The following SNX30 variants were observed in gnomAD, a reference collection of about 807,000 sequenced individuals.
SNX30 encodes sorting nexin family member 30, also known as sorting nexin-30.
In SNX30, 24 loss-of-function variants were observed where a neutral mutation model predicts 46.4. The ratio of observed to expected loss-of-function variants is 0.52; its 90% confidence interval spans 0.37 to 0.73. SNX30 has a LOEUF of 0.73. SNX30 is among the 30% of genes least tolerant of loss of function. The probability of loss-of-function intolerance (pLI) is 0.00; values close to 1 mark genes in which losing one functional copy is unlikely to be tolerated. For synonymous variants in SNX30, 189 were observed against 211.5 expected, an observed-to-expected ratio of 0.89 and a Z score of 0.92; for missense variants, 533 against 555.7, an observed-to-expected ratio of 0.96 and a Z score of 0.41.
downstream of SNX30, among the ~76,000 whole-genome samples, chr9:112,884,681 A>G (rs1366774957): frequency 1.3e-5 from 2 of 152,244 alleles, no homozygotes; most frequent in East Asian, 3.8e-4. Flanking sequence ...TGTCTACAAC[A>G]GAGGGAAACA....
intron 1 of SNX30, among the ~76,000 whole-genome samples, chr9:112,760,319 A>G (rs1032064528): frequency 6.6e-6 from 1 of 152,208 alleles, no homozygotes; most frequent in Admixed American, 6.5e-5. Context: ...AGCCGCTGCC[A>G]GTGGCACGAT....
At chr9:112,791,399 CTTTTTTTTTTTTTT>C (rs386415930) in intron 1 of SNX30, among the ~76,000 whole-genome samples, 4 of 67,478 alleles carry the variant, frequency 5.9e-5, no homozygotes, top group South Asian at 7.2e-4. Flanking sequence ...TATTTAGGAA[CTTTTTTTTTTTTTT>C]TTTTTTTTTT....
intron 2 of SNX30, among the ~76,000 whole-genome samples, chr9:112,810,688 A>G (rs1840305833): frequency 6.6e-6 from 1 of 152,072 alleles, no homozygotes; most frequent in African/African-American, 2.4e-5. Flanking sequence ...TGTTGTATGT[A>G]TGAGCCACCT....
chr9:112,758,686 A>C (rs1438794856), intron 1 of SNX30, among the ~76,000 whole-genome samples: 1 of 152,180 alleles, frequency 6.6e-6, no homozygotes, highest in Non-Finnish European at 1.5e-5. Context: ...GTGAGCCACC[A>C]TGCCTGGCCA....
At chr9:112,822,324 A>G (rs1012096883) in intron 3 of SNX30, among the ~76,000 whole-genome samples, 140 of 152,288 alleles carry the variant, frequency 9.2e-4, no homozygotes, top group African/African-American at 2.9e-3. Context: ...ATTATGTAAT[A>G]GTTGGAGCTG....
intron 2 of SNX30, among the ~76,000 whole-genome samples, chr9:112,810,411 G>A (rs1158803341): frequency 6.6e-6 from 1 of 152,102 alleles, no homozygotes. Context: ...CAGTGGGGAG[G>A]GAACAACATT....
intron 8 of SNX30, among the ~76,000 whole-genome samples, chr9:112,865,637 A>ATGTGTGTGTG: frequency 8.7e-6 from 1 of 115,550 alleles, no homozygotes; most frequent in Non-Finnish European, 1.8e-5. Flanking sequence ...ATATATATAT[A>ATGTGTGTGTG]TATATATATA....
At chr9:112,793,216 G>A (rs988452403) in intron 1 of SNX30, among the ~76,000 whole-genome samples, 1 of 152,208 alleles carries the variant, frequency 6.6e-6, no homozygotes, top group African/African-American at 2.4e-5. Flanking sequence ...TGGGAAAGAA[G>A]CCTGGCTTTC....
chr9:112,882,099 G>T (rs529405378), downstream of SNX30, among the ~76,000 whole-genome samples: 22 of 152,016 alleles, frequency 1.4e-4, no homozygotes, highest in Middle Eastern at 3.4e-3. Flanking sequence ...TTCATTTTTT[G>T]TTGTTGTTGT....
chr9:112,791,661 G>A (rs1289969141), intron 1 of SNX30, among the ~76,000 whole-genome samples: 1 of 151,836 alleles, frequency 6.6e-6, no homozygotes, highest in East Asian at 1.9e-4. Flanking sequence ...CACCCGCCTT[G>A]GCCTCTCAAA....
chr9:112,806,605 A>T lies in SNX30; in HGVS notation c.348+1638A>T, dbSNP rs145072467. Among the ~76,000 whole-genome samples the T allele has an allele frequency of 5.4e-4, 82 of 152,310 alleles. No individual in the cohort carries two copies. The Middle Eastern group carries it at 0.01, about 19-fold the overall frequency. On this transcript the variant is annotated intron_variant, in intron 2 of 8. Transcript: ENST00000374232. ...AAATTCTTTGGAAAGACAAGCAGGGAATAAAATACTCAAGTTGTGTTTCTT... is the reference window on the plus strand; with the variant it reads ...AAATTCTTTGGAAAGACAAGCAGGGTATAAAATACTCAAGTTGTGTTTCTT...
chr9:112,773,393 G>T (rs977777881), intron 1 of SNX30, among the ~76,000 whole-genome samples: 35 of 151,434 alleles, frequency 2.3e-4, no homozygotes, highest in African/African-American at 7.8e-4. Context: ...AAGATTATTT[G>T]CTTTTTTTTT....
intron 1 of SNX30, among the ~76,000 whole-genome samples, chr9:112,775,585 T>C (rs1839733486): frequency 7.0e-6 from 1 of 143,152 alleles, no homozygotes; most frequent in African/African-American, 2.5e-5. Context: ...TGTGTGTGTG[T>C]GTAGGCAATG....
At chr9:112,827,076 C>A (rs1013550485) in intron 3 of SNX30, among the ~76,000 whole-genome samples, 1 of 152,144 alleles carries the variant, frequency 6.6e-6, no homozygotes, top group Admixed American at 6.5e-5. Flanking sequence ...TTTGGAACTC[C>A]TGCTCTGTCA....
chr9:112,788,865 G>A (rs922772974), intron 1 of SNX30, among the ~76,000 whole-genome samples: 4 of 152,090 alleles, frequency 2.6e-5, no homozygotes, highest in Non-Finnish European at 5.9e-5. Flanking sequence ...GCACGATCTC[G>A]GCTCACCACA....
intron 5 of SNX30, among the ~76,000 whole-genome samples, chr9:112,881,046 A>G (rs1343165907): frequency 2.0e-5 from 3 of 152,220 alleles, no homozygotes; most frequent in Non-Finnish European, 2.9e-5. Context: ...TTGCAAGCAG[A>G]ATTAGCTGCC....
intron 8 of SNX30, among the ~76,000 whole-genome samples, chr9:112,865,624 C>CATATATATATATATATAT (rs796986603): frequency 1.9e-4 from 15 of 78,994 alleles, no homozygotes; most frequent in African/African-American, 5.1e-4. Context: ...CCTGTCACGC[C>CATATATATATATATATAT]ATATATATAT....
Position 112,840,420 on chromosome 9 carries a change from C to G in SNX30, c.1014+1723C>G, listed in dbSNP as rs57383860. Among the ~76,000 whole-genome samples the G allele has an allele frequency of 3.8e-3, 581 of 152,346 alleles. 18 individuals carry two copies. In the East Asian group the frequency reaches 0.07, roughly 18 times the overall value. ...TATGGCCAAAACAAGTATAGAAAGA[C>G]ATGCTGACTTTCTTAAAATGAACTA... is the stretch of plus-strand genomic sequence containing the variant. On this transcript the variant is annotated intron_variant, in intron 6 of 8. Coordinates refer to ENST00000374232, the MANE Select transcript of SNX30 (RefSeq NM_001012994.2).
At chr9:112,796,250 G>C (rs1178617126) in intron 1 of SNX30, among the ~76,000 whole-genome samples, 1 of 152,246 alleles carries the variant, frequency 6.6e-6, no homozygotes, top group Non-Finnish European at 1.5e-5. Flanking sequence ...GCTGTTCGGA[G>C]GCCCGGTGTG....
Sources: allele counts gnomAD v4.1 joint callset (sites outside exome capture counted in the v4.1 genomes callset), GRCh38; gene constraint gnomAD v4.1.1; transcripts MANE v1.5; gene names NCBI Gene and HGNC (gene_info 2026-07-23, HGNC 2026-07-21).